Variants in SNX7 observed in about 807,000 individuals in gnomAD.
SNX7 encodes the protein sorting nexin-7.
A neutral mutation model predicts 48.4 loss-of-function variants in SNX7; 35 were observed. The ratio of observed to expected loss-of-function variants is 0.72; its 90% CI spans 0.55 to 0.96. The LOEUF (loss-of-function observed/expected upper bound fraction) is 0.96, where lower values mean the gene tolerates loss of function less well. Ranked by LOEUF, SNX7 falls within the 40% of genes least tolerant of loss-of-function variation. The pLI is 0.00. For missense variants in SNX7, 553 were observed against 548.9 expected, an observed-to-expected ratio of 1.01 and a Z score of -0.07; for synonymous variants, 190 against 190.2, an observed-to-expected ratio of 1.00 and a Z score of 0.01.
At chr1:98,691,937 ACTCTCT>A (rs59743636) in intron 4 of SNX7, among the ~76,000 whole-genome samples, 1,803 of 131,152 alleles carry the variant, frequency 0.014, 30 homozygotes, top group African/African-American at 0.045. Context: ...ACACACACAC[ACTCTCT>A]CTCTCTCTCT....
chr1:98,694,232 C>T (rs1223184281), intron 4 of SNX7, among the ~76,000 whole-genome samples: 6 of 151,604 alleles, frequency 4.0e-5, no homozygotes, highest in Admixed American at 2.0e-4. Context: ...TAGCCGGGCG[C>T]GGTGGTGGGC....
At chr1:98,730,180 G>A (rs1474977189) in intron 7 of SNX7, among the ~76,000 whole-genome samples, 2 of 152,120 alleles carry the variant, frequency 1.3e-5, no homozygotes, top group Non-Finnish European at 2.9e-5. Flanking sequence ...CTCAATAGAT[G>A]CAGAAAAGGC....
intron 8 of SNX7, among the ~76,000 whole-genome samples, chr1:98,738,814 C>CT (rs1476160390): frequency 6.6e-6 from 1 of 152,000 alleles, no homozygotes; most frequent in Non-Finnish European, 1.5e-5. Flanking sequence ...GTAACAACAT[C>CT]TTTTTTTAAG....
chr1:98,686,278 A>G (rs891178113), intron 2 of SNX7, among the ~76,000 whole-genome samples: 2 of 152,168 alleles, frequency 1.3e-5, no homozygotes, highest in African/African-American at 4.8e-5. Flanking sequence ...ATAAGAGTCA[A>G]TATAGCAAAA....
chr1:98,691,095 C>T lies in SNX7; in HGVS notation c.384C>T (p.Asp128=). ...IITKTSRGEF[D]SSEFEVRRRY... Reference sequence around the variant, plus strand: ...TTCAGACATCTCGTGGGGAATTTGACTCCAGTGAATTTGAAGTTAGGAGAC... The same window carrying T: ...TTCAGACATCTCGTGGGGAATTTGATTCCAGTGAATTTGAAGTTAGGAGAC... Residue 128 remains aspartate (D), a synonymous_variant, in exon 3 of 9, where the codon GAC becomes GAT. Transcript: ENST00000306121. 6.2e-7 allele frequency: 1 copy of T among 1,606,478 alleles called. No homozygotes were observed. Among genetic ancestry groups the T allele is most frequent in the East Asian group, 2.3e-5 (1 of 44,410 alleles).
intron 6 of SNX7, among the ~76,000 whole-genome samples, chr1:98,701,527 G>A (rs569335759): frequency 1.6e-4 from 25 of 151,620 alleles, no homozygotes; most frequent in Non-Finnish European, 2.8e-4. Context: ...TTGTACATGC[G>A]TATTCCACCA....
chr1:98,695,457 G>A, intron 4 of SNX7, 61 bp from the exon 5 acceptor site: 2 of 1,483,114 alleles, frequency 1.3e-6, no homozygotes, highest in Non-Finnish European at 1.9e-6. Context: ...GTTTATTTTT[G>A]TATTGAGTCT....
In SNX7 at chr1:98,695,563, A is replaced by G. The variant is rs1359274589; in HGVS notation, c.685A>G (p.Met229Val). The G allele has an allele frequency of 4.3e-6, 7 of 1,614,132 alleles. No homozygotes were observed. The South Asian group carries it at 7.7e-5, about 18-fold the overall frequency. The change falls in exon 5 of 9, where the codon ATG (methionine) becomes GTG (valine). Residue 229 changes from methionine to valine, a missense_variant. Met to Val is a conservative substitution (Grantham distance 21, BLOSUM62 1). Transcript: ENST00000306121. ...KKQGPGLLSR[M>V]GQTVRAVASS... The stretch of plus-strand genomic sequence containing the variant: ...GCAAGGTCCTGGCTTGCTAAGCAGG[A>G]TGGGGCAAACCGTCAGAGCTGTTGC...
intron 7 of SNX7, among the ~76,000 whole-genome samples, chr1:98,731,857 A>G (rs1653531531): frequency 6.6e-6 from 1 of 152,108 alleles, no homozygotes; most frequent in East Asian, 1.9e-4. Context: ...TGACTCTACA[A>G]AGTTTCCTGA....
Position 98,720,465 on chromosome 1 carries a change from C to T in SNX7, c.1126-17772C>T, listed in dbSNP as rs540039804. Among the ~76,000 whole-genome samples, 24 of 152,062 alleles carry T rather than the reference C, an allele frequency of 1.6e-4. No individual in the cohort carries two copies. In the East Asian group the frequency reaches 4.2e-3, roughly 27 times the overall value. ...ATATTAGAGTATTTCTAGGAAAACA[C>T]ATGAAAGCAATTTTATCCTTATTAA... On this transcript the variant is annotated intron_variant, in intron 7 of 8. Coordinates refer to ENST00000306121, the MANE Select transcript of SNX7 (RefSeq NM_015976.5).
chr1:98,694,459 C>CTA (rs1396568742), intron 4 of SNX7, among the ~76,000 whole-genome samples: 1 of 151,356 alleles, frequency 6.6e-6, no homozygotes, highest in Non-Finnish European at 1.5e-5. Context: ...GGCTGAAGTG[C>CTA]TATGTTCAGG....
upstream of SNX7, among the ~76,000 whole-genome samples, chr1:98,661,422 C>T (rs552001366): frequency 6.6e-6 from 1 of 152,266 alleles, no homozygotes; most frequent in East Asian, 1.9e-4. Flanking sequence ...TGGCCCCCGA[C>T]TGGGTCAATG....
rs1491348958 is a variant in SNX7, at chr1:98,663,252, G to GTTTTTTTTTTTTTTTTTTTTTTTTTTTT, written c.180+1341_180+1342insTTTTTTTTTTTTTTTTTTTTTTTTTTTT. Among the ~76,000 whole-genome samples the GTTTTTTTTTTTTTTTTTTTTTTTTTTTT allele has an allele frequency of 2.4e-5, 2 of 83,184 alleles. 1 individual carries two copies. 54.6% of individuals were successfully genotyped at this position (83,184 alleles called of 152,430 possible). On this transcript the variant is annotated intron_variant, in intron 1 of 8. Transcript: ENST00000306121. Reference sequence around the variant, plus strand: ...ATCAGAATCATCAGGGTTTCTTTCTGGTTTTTTTTTTTTTTTTTTTTTTTT... The same window carrying GTTTTTTTTTTTTTTTTTTTTTTTTTTTT: ...ATCAGAATCATCAGGGTTTCTTTCTGTTTTTTTTTTTTTTTTTTTTTTTTTTTTGTTTTTTTTTTTTTTTTTTTTTTTT...
At chr1:98,757,717 T>C (rs555886845) in intron 8 of SNX7, among the ~76,000 whole-genome samples, 1 of 141,822 alleles carries the variant, frequency 7.1e-6, no homozygotes, top group South Asian at 2.2e-4. Flanking sequence ...TTTATATATA[T>C]AGTATCTACC....
chr1:98,697,263 A>G (rs752707920), intron 5 of SNX7, among the ~76,000 whole-genome samples: 2 of 152,144 alleles, frequency 1.3e-5, no homozygotes, highest in African/African-American at 4.8e-5. Context: ...TGTTCATTAC[A>G]TAACAACTAG....
intron 5 of SNX7, among the ~76,000 whole-genome samples, chr1:98,697,471 A>G (rs1440921773): frequency 6.6e-6 from 1 of 152,108 alleles, no homozygotes; most frequent in Non-Finnish European, 1.5e-5. Context: ...TTCCACCACA[A>G]AAAGCTATAC....
At chr1:98,683,126 G>GT (rs1650593597) in intron 1 of SNX7, among the ~76,000 whole-genome samples, 1 of 152,030 alleles carries the variant, frequency 6.6e-6, no homozygotes, top group South Asian at 2.1e-4. Context: ...TGATTTCATG[G>GT]TTTTTTAAAA....
intron 1 of SNX7, among the ~76,000 whole-genome samples, chr1:98,683,140 G>A (rs985646274): frequency 2.0e-5 from 3 of 152,108 alleles, no homozygotes; most frequent in African/African-American, 7.2e-5. Context: ...TTTAAAAAGT[G>A]TTTATGCTCT....
intron 4 of SNX7, 47 bp from the exon 5 acceptor site, chr1:98,695,471 A>T: frequency 6.5e-7 from 1 of 1,546,784 alleles, no homozygotes; most frequent in South Asian, 1.2e-5. Flanking sequence ...TGAGTCTCGG[A>T]ATATTGAGAC....
Sources: allele counts gnomAD v4.1 joint callset (sites outside exome capture counted in the v4.1 genomes callset), GRCh38; gene constraint gnomAD v4.1.1; transcripts MANE v1.5; gene names NCBI Gene and HGNC (gene_info 2026-07-23, HGNC 2026-07-21).